The following GRIK3 variants were observed in gnomAD, a reference collection of about 807,000 sequenced individuals.
GRIK3 encodes the protein glutamate receptor ionotropic, kainate 3.
Under a neutral mutation model 102.5 loss-of-function variants are expected in GRIK3, and 29 were observed. The observed-to-expected ratio is 0.28, with a 90% confidence interval of 0.21 to 0.39. The LOEUF (loss-of-function observed/expected upper bound fraction) is 0.39. GRIK3 is among the 10% of genes least tolerant of loss of function. GRIK3 has a pLI of 1.00. For synonymous variants in GRIK3, 511 were observed against 504.9 expected (o/e 1.01, Z -0.16); for missense variants, 908 against 1,252.4 (o/e 0.73, Z 4.15).
chr1:36,888,299 A>G (rs1007532247), intron 2 of GRIK3, among the ~76,000 whole-genome samples: 5 of 152,204 alleles, frequency 3.3e-5, no homozygotes, highest in African/African-American at 1.2e-4. Flanking sequence ...TAGACACTGA[A>G]TGATTTCATT....
chr1:36,879,999 AGT>A (rs1640951808), intron 3 of GRIK3, among the ~76,000 whole-genome samples: 1 of 151,932 alleles, frequency 6.6e-6, no homozygotes, highest in Non-Finnish European at 1.5e-5. Context: ...GGTAGAGAAG[AGT>A]GTGTGTGTGG....
chr1:37,030,066 A>G (rs1004264790), intron 1 of GRIK3, among the ~76,000 whole-genome samples: 1 of 152,202 alleles, frequency 6.6e-6, no homozygotes, highest in South Asian at 2.1e-4. Context: ...TCCAGTTGAG[A>G]AGGAGGAAAG....
At chr1:36,815,901 A>C (rs1001326572) in intron 13 of GRIK3, among the ~76,000 whole-genome samples, 2 of 152,144 alleles carry the variant, frequency 1.3e-5, no homozygotes, top group Middle Eastern at 3.4e-3. Context: ...CTGGGATTAC[A>C]GGTGCACGTC....
At chr1:36,854,038 G>A (rs1316930530) in intron 7 of GRIK3, among the ~76,000 whole-genome samples, 1 of 152,206 alleles carries the variant, frequency 6.6e-6, no homozygotes, top group Admixed American at 6.5e-5. Flanking sequence ...GAGATGGGTA[G>A]GGAGGCAGGC....
At chr1:36,829,223 T>C (rs1341602543) in intron 10 of GRIK3, among the ~76,000 whole-genome samples, 1 of 152,226 alleles carries the variant, frequency 6.6e-6, no homozygotes, top group Non-Finnish European at 1.5e-5. Flanking sequence ...GGAACAGATG[T>C]CAAGCCTTTG....
chr1:37,010,143 T>C (rs1355992924), intron 1 of GRIK3, among the ~76,000 whole-genome samples: 1 of 152,118 alleles, frequency 6.6e-6, no homozygotes, highest in East Asian at 1.9e-4. Context: ...AGATGTGAAT[T>C]TGAGTTGTGC....
rs553721677 is a variant in GRIK3, at chr1:37,024,662, G to C, written c.115+9332C>G. ...GGAGGCTGAGGCAGGAGAATTGCTTGAACCCAGGAAGTGGAGGTTGCAGTG... is the reference window on the plus strand; with the variant it reads ...GGAGGCTGAGGCAGGAGAATTGCTTCAACCCAGGAAGTGGAGGTTGCAGTG... On this transcript the variant is annotated intron_variant, in intron 1 of 15. Coordinates refer to ENST00000373091, the MANE Select transcript of GRIK3 (RefSeq NM_000831.4). 2.0e-3 allele frequency among the ~76,000 whole-genome samples: 284 copies of C among 143,598 alleles called. 1 individual carries two copies. Among genetic ancestry groups the C allele is most frequent in the African/African-American group, 6.9e-3 (266 of 38,606 alleles). 94.2% of individuals were successfully genotyped at this position (143,598 alleles called of 152,430 possible). A position where few individuals can be genotyped will look rare whatever the true frequency, so the allele number is the denominator to read the frequency against.
At chr1:37,007,463 T>A (rs561040705) in intron 1 of GRIK3, among the ~76,000 whole-genome samples, 1 of 152,144 alleles carries the variant, frequency 6.6e-6, no homozygotes, top group Admixed American at 6.5e-5. Context: ...GGAGGTGGGA[T>A]CCGATCTTGA....
At chr1:37,004,848 G>A (rs889529805) in intron 1 of GRIK3, among the ~76,000 whole-genome samples, 2 of 152,176 alleles carry the variant, frequency 1.3e-5, no homozygotes, top group South Asian at 4.2e-4. Context: ...TCTTGAGACC[G>A]CTGTGTTCCC....
At chr1:36,929,091 T>A (rs983493575) in intron 1 of GRIK3, among the ~76,000 whole-genome samples, 1 of 152,112 alleles carries the variant, frequency 6.6e-6, no homozygotes, top group Non-Finnish European at 1.5e-5. Flanking sequence ...AACTGAGTCA[T>A]AGAGGGGTGA....
chr1:37,021,914 A>T (rs558501027), intron 1 of GRIK3, among the ~76,000 whole-genome samples: 2 of 152,256 alleles, frequency 1.3e-5, no homozygotes, highest in South Asian at 4.1e-4. Context: ...GTCACTACTC[A>T]CTCATCAGGC....
intron 1 of GRIK3, among the ~76,000 whole-genome samples, chr1:36,904,936 A>C (rs1641269371): frequency 6.6e-6 from 1 of 152,206 alleles, no homozygotes. Flanking sequence ...ATGTTGTTGC[A>C]ATCAGAAAAG....
chr1:36,819,311 C>A lies in GRIK3; in HGVS notation c.1873+425G>T, dbSNP rs1240354692. Among the ~76,000 whole-genome samples the A allele has an allele frequency of 6.6e-6, 1 of 152,198 alleles. No homozygotes were observed. The highest frequency in any genetic ancestry group is 2.4e-5 in the African/African-American group (1 of 41,450). ...CCACCACGAGGTTCAGGTCTCATCA[C>A]CTCATTCCTGCAGTGGCCTCCCACC... On this transcript the variant is annotated intron_variant, in intron 12 of 15. Coordinates refer to ENST00000373091, the MANE Select transcript of GRIK3 (RefSeq NM_000831.4). The surrounding 1 kb of genome is among the most constrained non-coding windows in gnomAD (Gnocchi z 4.1).
chr1:36,832,260 C>T (rs140112239), intron 10 of GRIK3, among the ~76,000 whole-genome samples: 1 of 152,344 alleles, frequency 6.6e-6, no homozygotes, highest in East Asian at 1.9e-4. Flanking sequence ...GGCACAGTGT[C>T]TGGCACATAG....
Position 37,022,486 on chromosome 1 carries a change from G to C in GRIK3, c.115+11508C>G, listed in dbSNP as rs1387152762. 5.9e-5 allele frequency among the ~76,000 whole-genome samples: 9 copies of C among 152,178 alleles called. No homozygotes were observed. In the East Asian group the frequency reaches 1.7e-3, roughly 29 times the overall value. On this transcript the variant is annotated intron_variant, in intron 1 of 15. Transcript: ENST00000373091. ...TTCATCATGATAGGAACAAGACAATGAATGTAAAGTCCAATCCTAGGCTTG... is the reference window on the plus strand; with the variant it reads ...TTCATCATGATAGGAACAAGACAATCAATGTAAAGTCCAATCCTAGGCTTG...
chr1:36,821,460 C>T lies in GRIK3; in HGVS notation c.1755-1606G>A, dbSNP rs1182250322. 3.9e-5 allele frequency among the ~76,000 whole-genome samples: 6 copies of T among 152,324 alleles called. No homozygotes were observed. The East Asian group carries it at 1.2e-3, about 29-fold the overall frequency. ...GGGGGCGAGGCAGCTCAGTGCCTGGCTCTGTAACTGAGCGGATGGACCTGG... is the reference window on the plus strand; with the variant it reads ...GGGGGCGAGGCAGCTCAGTGCCTGGTTCTGTAACTGAGCGGATGGACCTGG... On this transcript the variant is annotated intron_variant, in intron 11 of 15. Coordinates refer to ENST00000373091, the MANE Select transcript of GRIK3 (RefSeq NM_000831.4).
chr1:36,857,378 C>T (rs1640665189), intron 7 of GRIK3, among the ~76,000 whole-genome samples: 1 of 152,182 alleles, frequency 6.6e-6, no homozygotes, highest in Non-Finnish European at 1.5e-5. Flanking sequence ...CTGCTCAGGG[C>T]ATTGGACAGT....
chr1:36,964,074 G>A (rs1163757659), intron 1 of GRIK3, among the ~76,000 whole-genome samples: 1 of 152,230 alleles, frequency 6.6e-6, no homozygotes, highest in Non-Finnish European at 1.5e-5. Flanking sequence ...GCATGCAGAG[G>A]CAGGAGGTGC....
intron 11 of GRIK3, among the ~76,000 whole-genome samples, chr1:36,824,924 G>A (rs1015206210): frequency 6.6e-6 from 1 of 152,194 alleles, no homozygotes; most frequent in African/African-American, 2.4e-5. Context: ...AGGGAGGCTG[G>A]AAGAACTAAA....
Sources: allele counts gnomAD v4.1 joint callset (sites outside exome capture counted in the v4.1 genomes callset), GRCh38; gene constraint gnomAD v4.1.1; non-coding constraint Gnocchi (gnomAD v3.1); transcripts MANE v1.5; gene names NCBI Gene and HGNC (gene_info 2026-07-23, HGNC 2026-07-21).